Variants in ASXL3 observed in about 807,000 individuals in gnomAD.
ASXL3 encodes the protein putative Polycomb group protein ASXL3.
Under a neutral mutation model 170.6 loss-of-function variants are expected in ASXL3, and 34 were observed. That is an observed-to-expected ratio of 0.20 (90% confidence interval 0.15 to 0.27). The LOEUF (loss-of-function observed/expected upper bound fraction) is 0.27. Among genes scored for constraint, ASXL3 ranks in the 10% least tolerant of loss-of-function variants. ASXL3 has a pLI of 1.00. For synonymous variants in ASXL3, 1,002 were observed against 989.1 expected, an observed-to-expected ratio of 1.01 and a Z score of -0.24; for missense variants, 2,592 against 2,695.3, an observed-to-expected ratio of 0.96 and a Z score of 0.85.
intron 7 of ASXL3, among the ~76,000 whole-genome samples, chr18:33,682,346 G>A (rs934580491): frequency 2.6e-5 from 4 of 152,190 alleles, no homozygotes; most frequent in East Asian, 3.9e-4. Context: ...AGTCATTATC[G>A]TAGCTCAAGT....
Position 33,746,189 on chromosome 18 carries a change from C to G in ASXL3, c.6341C>G (p.Ala2114Gly). ...DQNEMKEQLK[A>G]FALKSADFSS... ...AATGAAATGAAAGAACAGTTAAAAG[C>G]ATTCGCGCTAAAAAGTGCAGATTTC... The change falls in exon 12 of 12, where the codon GCA (alanine) becomes GGA (glycine). Residue 2114 changes from alanine to glycine, a missense_variant. Transcript: ENST00000269197. 6.2e-7 allele frequency: 1 copy of G among 1,613,874 alleles called. No individual in the cohort carries two copies. The highest frequency in any genetic ancestry group is 8.5e-7 in the Non-Finnish European group (1 of 1,179,878).
intron 11 of ASXL3, among the ~76,000 whole-genome samples, chr18:33,742,224 T>A (rs1008224786): frequency 2.6e-5 from 4 of 152,152 alleles, no homozygotes; most frequent in Non-Finnish European, 5.9e-5. Context: ...TTGAAGGAAA[T>A]AGATCAGAAA....
At chr18:33,689,246 G>A (rs976467250) in intron 8 of ASXL3, among the ~76,000 whole-genome samples, 1 of 152,064 alleles carries the variant, frequency 6.6e-6, no homozygotes, top group Non-Finnish European at 1.5e-5. Flanking sequence ...CACCCGCCTC[G>A]GCCTCCCAAA....
chr18:33,745,389 A>T lies in ASXL3; in HGVS notation c.5541A>T (p.Lys1847Asn). 6.2e-7 allele frequency: 1 copy of T among 1,613,970 alleles called. No individual in the cohort carries two copies. Among genetic ancestry groups the T allele is most frequent in the Non-Finnish European group, 8.5e-7 (1 of 1,179,892 alleles). ...EHTQVKCEPG[K>N]LLVEPDVKGV... is the part of the protein sequence containing the mutation. ...CTCAAGTTAAATGTGAACCAGGAAA[A>T]TTGTTGGTGGAGCCAGATGTTAAAG... Residue 1847 changes from lysine (K) to asparagine (N), a missense_variant, in exon 12 of 12, where the codon AAA (lysine) becomes AAT (asparagine). This residue lies in a region of ASXL3 where 2,246 missense variants were observed against 2,219.6 expected (regional missense o/e 1.01). Transcript: ENST00000269197.
chr18:33,684,474 A>G (rs2066561592), intron 8 of ASXL3, among the ~76,000 whole-genome samples: 1 of 152,114 alleles, frequency 6.6e-6, no homozygotes, highest in Non-Finnish European at 1.5e-5. Context: ...ATCTTCTTTC[A>G]TACATATTTA....
At chr18:33,613,190 TCTC>T (rs968420557) in intron 2 of ASXL3, among the ~76,000 whole-genome samples, 1 of 152,196 alleles carries the variant, frequency 6.6e-6, no homozygotes, top group Non-Finnish European at 1.5e-5. Flanking sequence ...TTAACTCCCT[TCTC>T]CTATATCATC....
intron 8 of ASXL3, among the ~76,000 whole-genome samples, chr18:33,708,376 A>G (rs2066999841): frequency 2.6e-5 from 4 of 152,336 alleles, no homozygotes; most frequent in South Asian, 2.1e-4. Context: ...TAGCATGCAT[A>G]TTGAATGTGT....
intron 1 of ASXL3, among the ~76,000 whole-genome samples, chr18:33,581,932 C>T (rs956931841): frequency 6.6e-6 from 1 of 152,038 alleles, no homozygotes; most frequent in Non-Finnish European, 1.5e-5. Flanking sequence ...ATCTTTTTTT[C>T]CCCTTCTTTT....
intron 8 of ASXL3, among the ~76,000 whole-genome samples, chr18:33,693,679 G>A (rs1568332220): frequency 6.6e-6 from 1 of 151,914 alleles, no homozygotes; most frequent in Non-Finnish European, 1.5e-5. Flanking sequence ...AGAAGAGATG[G>A]CAGTGGACAA....
At chr18:33,598,842 G>T (rs970378309) in intron 1 of ASXL3, among the ~76,000 whole-genome samples, 1 of 152,114 alleles carries the variant, frequency 6.6e-6, no homozygotes, top group South Asian at 2.1e-4. Flanking sequence ...TTGTCCAAAG[G>T]CCTGGGTTCA....
At chr18:33,623,014 T>A (rs374016414) in intron 2 of ASXL3, among the ~76,000 whole-genome samples, 147 of 152,248 alleles carry the variant, frequency 9.7e-4, no homozygotes, top group African/African-American at 3.4e-3. Context: ...TGAAAAAAAT[T>A]ACCTATATAG....
At chr18:33,613,568 G>C (rs1178535471) in intron 2 of ASXL3, among the ~76,000 whole-genome samples, 2 of 152,054 alleles carry the variant, frequency 1.3e-5, no homozygotes, top group Non-Finnish European at 2.9e-5. Context: ...GTATACTGTA[G>C]TCTGTTGGGT....
At chr18:33,656,898 TA>T (rs1241067427) in intron 4 of ASXL3, among the ~76,000 whole-genome samples, 1 of 152,190 alleles carries the variant, frequency 6.6e-6, no homozygotes. Context: ...TTAAAAATCA[TA>T]GTTGAAAGTT....
chr18:33,643,634 G>A (rs1177389785), intron 2 of ASXL3, among the ~76,000 whole-genome samples: 3 of 151,864 alleles, frequency 2.0e-5, no homozygotes, highest in Non-Finnish European at 4.4e-5. Context: ...GCTATTAAGT[G>A]TGTTCTGGCA....
chr18:33,659,466 C>T (rs2066137681), intron 4 of ASXL3, among the ~76,000 whole-genome samples: 1 of 152,002 alleles, frequency 6.6e-6, no homozygotes, highest in Non-Finnish European at 1.5e-5. Context: ...CTAATGCACA[C>T]TTTACTTTTG....
At position 33,662,388 on chromosome 18, in the gene ASXL3, G is replaced by C. The variant is rs2066188297; in HGVS notation, c.477+651G>C. Among the ~76,000 whole-genome samples, 3 of 152,080 alleles carry C rather than the reference G, an allele frequency of 2.0e-5. No individual in the cohort carries two copies. In the South Asian group the frequency reaches 6.2e-4, roughly 31 times the overall value. ...CTCTAGCAAGCCACTTCTCCTCTCTGAATCTTAAATTCATTATCTAGAAAA... is the reference window on the plus strand; with the variant it reads ...CTCTAGCAAGCCACTTCTCCTCTCTCAATCTTAAATTCATTATCTAGAAAA... On this transcript the variant is annotated intron_variant, in intron 5 of 11. Coordinates refer to ENST00000269197, the MANE Select transcript of ASXL3 (RefSeq NM_030632.3).
intron 8 of ASXL3, among the ~76,000 whole-genome samples, chr18:33,726,531 AAT>A (rs2067353856): frequency 6.6e-6 from 1 of 152,182 alleles, no homozygotes; most frequent in South Asian, 2.1e-4. Context: ...GAGAATGTAA[AAT>A]ATCTCATTAA....
chr18:33,643,537 A>C (rs1204993739), intron 2 of ASXL3, among the ~76,000 whole-genome samples: 1 of 151,904 alleles, frequency 6.6e-6, no homozygotes, highest in African/African-American at 2.4e-5. Flanking sequence ...ATGTTGGCAC[A>C]GAGAAGCTGC....
rs2067798079 is a variant in ASXL3 at position 33,746,542 on chromosome 18, G to A, written c.6694G>A (p.Asp2232Asn). The change falls in exon 12 of 12, where the codon GAC becomes AAC. Residue 2232 changes from aspartate to asparagine, a missense_variant. By Grantham distance (23) the Asp-to-Asn change is conservative. Transcript: ENST00000269197. ...VCKGCGAFCH[D>N]DCIGPSKLCV... is the part of the protein sequence containing the mutation. ...CAAAGGCTGTGGGGCCTTCTGCCAT[G>A]ACGACTGCATAGGTCCTTCAAAACT... 3.1e-6 allele frequency: 5 copies of A among 1,611,318 alleles called. No individual in the cohort carries two copies. Among genetic ancestry groups the A allele is most frequent in the Non-Finnish European group, 4.2e-6 (5 of 1,178,344 alleles).
Sources: allele counts gnomAD v4.1 joint callset (sites outside exome capture counted in the v4.1 genomes callset), GRCh38; gene constraint gnomAD v4.1.1; regional missense constraint gnomAD v4.1.1; transcripts MANE v1.5; gene names NCBI Gene and HGNC (gene_info 2026-07-23, HGNC 2026-07-21).